The following GDF1 variants were observed in gnomAD, a reference collection of about 807,000 sequenced individuals.
GDF1 encodes the protein growth differentiation factor 1, also known as embryonic growth/differentiation factor 1.
GDF1 carries 8 observed loss-of-function variants against 7.4 expected under a neutral mutation model. The ratio of observed to expected loss-of-function variants is 1.09; its 90% CI spans 0.64 to 1.96. The LOEUF is 1.96. Among genes scored for constraint, GDF1 ranks in the 30% most tolerant of loss-of-function variants. The pLI, the probability that GDF1 is intolerant of heterozygous loss-of-function variation, is 0.00. For missense variants in GDF1, 574 were observed against 551.5 expected (o/e 1.04, Z -0.41); for synonymous variants, 311 against 276.7 (o/e 1.12, Z -1.23).
intron 2 of GDF1, among the ~76,000 whole-genome samples, chr19:18,892,948 G>A (rs749624460): frequency 2.0e-4 from 31 of 151,898 alleles, no homozygotes; most frequent in African/African-American, 5.1e-4. Flanking sequence ...ACAGAGTCTC[G>A]CTCTGTTGCC....
At position 18,895,982 on chromosome 19, in the gene GDF1, G is replaced by A; in HGVS notation, c.-1232C>T. The A allele has an allele frequency of 9.5e-7, 1 of 1,048,238 alleles. No individual in the cohort carries two copies. Among genetic ancestry groups the A allele is most frequent in the Non-Finnish European group, 1.1e-6 (1 of 870,960 alleles). The allele number at this position is 1,048,238 out of a possible 1,614,324, so 64.9% of individuals were successfully genotyped here. On this transcript the variant is annotated 5_prime_UTR_variant, in exon 1 of 8. Coordinates refer to ENST00000247005, the MANE Select transcript of GDF1 (RefSeq NM_001492.6). The surrounding 1 kb of genome is among the most constrained non-coding windows in gnomAD (Gnocchi z 6.4). ...TCCGTGCAGCCCCGCGCCGCCGCCA[G>A]CGCGCTGCCCCAGCCGCGCTGCACT...
intron 6 of GDF1, among the ~76,000 whole-genome samples, chr19:18,877,054 C>T (rs753624481): frequency 2.6e-5 from 4 of 152,198 alleles, no homozygotes; most frequent in African/African-American, 4.8e-5. Flanking sequence ...TGACTGCCTT[C>T]GTCCCATCCT....
chr19:18,879,244 G>A lies in GDF1; in HGVS notation c.-426C>T. The stretch of plus-strand genomic sequence containing the variant: ...AGGAGAGCCGGGGCCGACTCACCAG[G>A]AACCAGTAGAGGTTCATAAGGGTGA... On this transcript the variant is annotated 5_prime_UTR_variant, in exon 5 of 8. Transcript: ENST00000247005. 6.2e-7 allele frequency: 1 copy of A among 1,613,656 alleles called. No homozygotes were observed. Among genetic ancestry groups the A allele is most frequent in the Non-Finnish European group, 8.5e-7 (1 of 1,179,798 alleles).
chr19:18,882,751 G>C (rs1453499395), intron 3 of GDF1, among the ~76,000 whole-genome samples: 1 of 152,042 alleles, frequency 6.6e-6, no homozygotes, highest in Admixed American at 6.5e-5. Context: ...GGAGTGCAGT[G>C]GCATGATCTC....
intron 4 of GDF1, 107 bp from the exon 5 acceptor site, chr19:18,879,495 G>T: frequency 8.0e-7 from 1 of 1,245,998 alleles, no homozygotes; most frequent in Non-Finnish European, 1.1e-6. Context: ...TCCCATCCTT[G>T]CCCACCTCTG....
rs899391416 is a variant in GDF1 at position 18,868,788 on chromosome 19, C to G, written c.928G>C (p.Gly310Arg). ...GCGTGGTTGAGCGCCGGCGGCCCCC[C>G]GGACCCCGACAGCGCGACGGGCAGC... Reference protein sequence around the residue: ...CALPVALSGSGGPPALNHAVL... With the variant: ...CALPVALSGSRGPPALNHAVL... The change falls in exon 8 of 8, where the codon GGG becomes CGG. Residue 310 changes from glycine to arginine, a missense_variant. Transcript: ENST00000247005. 1 of 1,461,912 alleles carries G rather than the reference C, an allele frequency of 6.8e-7. No individual in the cohort carries two copies. The highest frequency in any genetic ancestry group is 1.5e-5 in the African/African-American group (1 of 67,020). 90.6% of individuals were successfully genotyped at this position (1,461,912 alleles called of 1,614,324 possible).
Position 18,869,337 on chromosome 19 carries a change from A to G in GDF1, c.379T>C (p.Trp127Arg), listed in dbSNP as rs2055917414. The part of the protein sequence containing the change: ...PASAAGHCPE[W>R]TVVFDLSAVE... The stretch of plus-strand genomic sequence containing the variant: ...GCCGACAGGTCGAAGACGACTGTCC[A>G]CTCAGGGCAATGCCCCGCGGCCGAG... Residue 127 changes from tryptophan (W) to arginine (R), a missense_variant, in exon 8 of 8, where the codon TGG (tryptophan) becomes CGG (arginine). Physicochemically the swap from Trp to Arg is moderately radical, Grantham distance 101 (BLOSUM62 -3). Coordinates refer to ENST00000247005, the MANE Select transcript of GDF1 (RefSeq NM_001492.6). The G allele has an allele frequency of 2.0e-6, 3 of 1,530,104 alleles. No individual in the cohort carries two copies. Among genetic ancestry groups the G allele is most frequent in the Non-Finnish European group, 2.6e-6 (3 of 1,145,616 alleles). The allele number at this position is 1,530,104 out of a possible 1,614,324, so 94.8% of individuals were successfully genotyped here.
rs189120571 is a variant in GDF1, at chr19:18,870,699, G to T, written c.-312-80C>A. The T allele has an allele frequency of 8.6e-4, 429 of 499,102 alleles. 3 individuals carry two copies. In the East Asian group the frequency reaches 0.013, roughly 15 times the overall value. 30.9% of individuals were successfully genotyped at this position (499,102 alleles called of 1,614,324 possible). ...CCTCTTTCCCGCTTCTTCTCTGGCC[G>T]TTTCACACCCCCTGGCTCCTTTTAC... On this transcript the variant is annotated intron_variant, in intron 6 of 7. Transcript: ENST00000247005. The surrounding 1 kb of genome is among the most constrained non-coding windows in gnomAD (Gnocchi z 5.1).
At chr19:18,891,350 C>T (rs1049014986) in intron 2 of GDF1, among the ~76,000 whole-genome samples, 1 of 152,180 alleles carries the variant, frequency 6.6e-6, no homozygotes, top group Non-Finnish European at 1.5e-5. Flanking sequence ...CCCTGGCCCA[C>T]AGCCCTGGTG....
At chr19:18,893,365 G>A (rs1417926062) in intron 2 of GDF1, 51 bp downstream of exon 2, 38 of 1,541,218 alleles carry the variant, frequency 2.5e-5, no homozygotes, top group African/African-American at 1.1e-4. Flanking sequence ...CAAGCCTGGC[G>A]TCTTTGTGTT....
In GDF1 at chr19:18,896,152, C is replaced by G; in HGVS notation, c.-1402G>C. The stretch of plus-strand genomic sequence containing the variant: ...GAGCCGCGCGCCCCGCGTCACGCGC[C>G]GCAGCTGGGCCGGGGGCGCGCGGGC... On this transcript the variant is annotated 5_prime_UTR_variant, in exon 1 of 8. Coordinates refer to ENST00000247005, the MANE Select transcript of GDF1 (RefSeq NM_001492.6). This position sits in a 1 kb window ranked among gnomAD's most constrained non-coding sequence, Gnocchi z 5.9. The G allele has an allele frequency of 2.0e-6, 1 of 506,696 alleles. No homozygotes were observed. Among genetic ancestry groups the G allele is most frequent in the Non-Finnish European group, 2.5e-6 (1 of 395,782 alleles). 31.4% of individuals were successfully genotyped at this position (506,696 alleles called of 1,614,324 possible).
At chr19:18,883,595 A>C (rs1021810747) in intron 3 of GDF1, among the ~76,000 whole-genome samples, 1 of 152,188 alleles carries the variant, frequency 6.6e-6, no homozygotes, top group African/African-American at 2.4e-5. Context: ...TTGTATGTGA[A>C]GGCTTTGAAG....
intron 1 of GDF1, among the ~76,000 whole-genome samples, chr19:18,893,830 C>T (rs1342683142): frequency 6.6e-6 from 1 of 151,250 alleles, no homozygotes; most frequent in East Asian, 2.0e-4. Context: ...AGCAGGAGGG[C>T]TCTGGGGGCC....
intron 2 of GDF1, among the ~76,000 whole-genome samples, chr19:18,888,363 AAAAAAT>A (rs972484938): frequency 2.0e-5 from 3 of 151,434 alleles, no homozygotes; most frequent in Non-Finnish European, 4.4e-5. Flanking sequence ...CATCTCAAAA[AAAAAAT>A]TAGCTGGGTG....
At chr19:18,876,532 T>TG (rs1275978661) in intron 6 of GDF1, among the ~76,000 whole-genome samples, 86 of 97,794 alleles carry the variant, frequency 8.8e-4, no homozygotes, top group Middle Eastern at 4.6e-3. Flanking sequence ...TTGTTTTGAT[T>TG]GGGTTGTGTG....
chr19:18,871,526 C>T (rs1189307696), intron 6 of GDF1, among the ~76,000 whole-genome samples: 1 of 152,098 alleles, frequency 6.6e-6, no homozygotes, highest in African/African-American at 2.4e-5. Context: ...CTGGCCCCAG[C>T]TAACTTTTTT....
In GDF1 at chr19:18,869,056, G is replaced by A. The variant is rs1475836646; in HGVS notation, c.660C>T (p.Arg220=). The A allele has an allele frequency of 8.5e-5, 90 of 1,062,618 alleles. No homozygotes were observed. The highest frequency in any genetic ancestry group is 9.2e-5 in the Non-Finnish European group (81 of 880,824). The allele number at this position is 1,062,618 out of a possible 1,614,324, so 65.8% of individuals were successfully genotyped here. ...GCGCGCAGGCGGCAGGGGCCCGGGG[G>A]CGTAGCGCCAGCGCCAGGCGGAGGC... is the stretch of plus-strand genomic sequence containing the variant. The part of the protein sequence containing the change: ...PRSLRLALAL[R]PRAPAACARL... The change falls in exon 8 of 8, where the codon CGC becomes CGT. Residue 220 remains arginine (R), a synonymous_variant. Coordinates refer to ENST00000247005, the MANE Select transcript of GDF1 (RefSeq NM_001492.6).
intron 3 of GDF1, among the ~76,000 whole-genome samples, chr19:18,882,655 A>G (rs2146027029): frequency 6.6e-6 from 1 of 151,200 alleles, no homozygotes; most frequent in South Asian, 2.1e-4. Context: ...AAGTAAGTAA[A>G]TAAATAAGAT....
intron 6 of GDF1, chr19:18,877,793 C>G (rs1449834392): frequency 6.2e-6 from 1 of 160,222 alleles, no homozygotes; most frequent in Non-Finnish European, 1.3e-5. Flanking sequence ...GACTCATGCT[C>G]AAAGGACAGC....
Sources: allele counts gnomAD v4.1 joint callset (sites outside exome capture counted in the v4.1 genomes callset), GRCh38; gene constraint gnomAD v4.1.1; non-coding constraint Gnocchi (gnomAD v3.1); transcripts MANE v1.5; gene names NCBI Gene and HGNC (gene_info 2026-07-23, HGNC 2026-07-21).